The following USP34 variants were observed in gnomAD, a reference collection of about 807,000 sequenced individuals.
The protein encoded by USP34 is ubiquitin carboxyl-terminal hydrolase 34.
In USP34, 70 loss-of-function variants were observed where a neutral mutation model predicts 460.3. The observed-to-expected ratio is 0.15, with a 90% CI of 0.13 to 0.19. USP34 has a LOEUF of 0.19. Among genes scored for constraint, USP34 ranks in the 10% least tolerant of loss-of-function variants. The pLI is 1.00. For synonymous variants in USP34, 1,647 were observed against 1,405.3 expected, an observed-to-expected ratio of 1.17 and a Z score of -3.85; for missense variants, 3,985 against 4,236.2, an observed-to-expected ratio of 0.94 and a Z score of 1.65.
chr2:61,414,087 G>C (rs1379545114), intron 2 of USP34, among the ~76,000 whole-genome samples: 1 of 152,132 alleles, frequency 6.6e-6, no homozygotes, highest in Admixed American at 6.5e-5. Flanking sequence ...GGGAAACCCT[G>C]TCTCTACTAA....
intron 47 of USP34, 83 bp downstream of exon 47, chr2:61,256,790 A>C: frequency 9.4e-7 from 1 of 1,063,468 alleles, no homozygotes; most frequent in Middle Eastern, 3.3e-4. Flanking sequence ...AAAGTTTAAA[A>C]ATATCAAGAT....
At chr2:61,288,453 C>A (rs1689754195) in intron 34 of USP34, among the ~76,000 whole-genome samples, 1 of 152,172 alleles carries the variant, frequency 6.6e-6, no homozygotes, top group African/African-American at 2.4e-5. Flanking sequence ...ATAATAAATT[C>A]AGTCTCACAG....
chr2:61,320,449 G>A (rs998291223), intron 21 of USP34, among the ~76,000 whole-genome samples: 8 of 152,200 alleles, frequency 5.3e-5, no homozygotes, highest in African/African-American at 1.7e-4. Flanking sequence ...ATGCAGACAT[G>A]GGGAGAATGT....
intron 78 of USP34, 43 bp from the exon 79 acceptor site, chr2:61,189,112 C>T: frequency 6.3e-7 from 1 of 1,584,888 alleles, no homozygotes; most frequent in Non-Finnish European, 8.6e-7. Context: ...CTAAAGCCAA[C>T]ACTTTGATGC....
rs1338495071 is a variant in USP34, at chr2:61,439,837, C to A, written c.44-19004G>T. Among the ~76,000 whole-genome samples the A allele has an allele frequency of 2.0e-5, 3 of 152,140 alleles. No homozygotes were observed. The East Asian group carries it at 5.8e-4, about 29-fold the overall frequency. On this transcript the variant is annotated intron_variant, in intron 1 of 79. Coordinates refer to ENST00000398571, the MANE Select transcript of USP34 (RefSeq NM_014709.4). ...TGGGTCACACACAGCTGGGTGGAGA[C>A]CTCATGATGTGTGGCCCAGAGAGGT...
chr2:61,403,237 T>A (rs1330771935), intron 3 of USP34, among the ~76,000 whole-genome samples: 1 of 152,036 alleles, frequency 6.6e-6, no homozygotes, highest in African/African-American at 2.4e-5. Context: ...AGTACAGGAG[T>A]GTAACTATGC....
At chr2:61,467,986 G>A (rs1013197702) in intron 1 of USP34, among the ~76,000 whole-genome samples, 5 of 152,076 alleles carry the variant, frequency 3.3e-5, no homozygotes, top group African/African-American at 1.2e-4. Flanking sequence ...AGGTACAGGC[G>A]GGAAAAGGGC....
At chr2:61,368,962 T>C (rs1692521861) in intron 10 of USP34, among the ~76,000 whole-genome samples, 1 of 151,818 alleles carries the variant, frequency 6.6e-6, no homozygotes, top group Non-Finnish European at 1.5e-5. Context: ...CAGTGACACA[T>C]AAAGAACTCC....
rs1447527328 is a variant in USP34 at position 61,260,950 on chromosome 2, A to G, written c.5779-1174T>C. Among the ~76,000 whole-genome samples, 4 of 152,250 alleles carry G rather than the reference A, an allele frequency of 2.6e-5. No homozygotes were observed. The South Asian group carries it at 6.2e-4, about 24-fold the overall frequency. On this transcript the variant is annotated intron_variant, in intron 43 of 79. Transcript: ENST00000398571. ...TTAAATAAATACATAGCCTGCATCT[A>G]TATGTATTTACTACTTAAAAAATTG...
At position 61,214,373 on chromosome 2, in the gene USP34, G is replaced by A; in HGVS notation, c.8369C>T (p.Pro2790Leu). ...WNLFQPKLSEPAIATNHNKQA... is the reference protein window; with the variant it reads ...WNLFQPKLSELAIATNHNKQA... ...TTTATTGTGATTTGTAGCTATTGCT[G>A]GCTCAGAAAGTTTAGGCTGGAAAAG... The change falls in exon 68 of 80, where the codon CCA becomes CTA. Residue 2790 changes from proline to leucine, a missense_variant. Around this residue, in one of 14 missense-constraint regions of USP34, gnomAD observed 66 missense variants for 121.2 expected, o/e 0.54. Transcript: ENST00000398571. 1 of 1,614,154 alleles carries A rather than the reference G, an allele frequency of 6.2e-7. No homozygotes were observed. The highest frequency in any genetic ancestry group is 8.5e-7 in the Non-Finnish European group (1 of 1,180,030).
chr2:61,452,417 G>T (rs2442029), intron 1 of USP34, among the ~76,000 whole-genome samples: 97,538 of 147,188 alleles, frequency 0.66, 32,488 homozygotes, highest in African/African-American at 0.75. Flanking sequence ...CTCGACCTCC[G>T]GGGTTCAAGA....
intron 1 of USP34, among the ~76,000 whole-genome samples, chr2:61,454,435 T>C (rs1056934728): frequency 6.6e-6 from 1 of 151,878 alleles, no homozygotes; most frequent in African/African-American, 2.4e-5. Context: ...GTTTTTTGTT[T>C]GTTGTTTTGT....
intron 2 of USP34, among the ~76,000 whole-genome samples, chr2:61,406,529 T>C (rs1268731208): frequency 6.6e-6 from 1 of 152,128 alleles, no homozygotes; most frequent in Non-Finnish European, 1.5e-5. Flanking sequence ...GGAATTTTGT[T>C]GTCAACTAAT....
At chr2:61,252,342 G>C (rs1193099986) in intron 48 of USP34, among the ~76,000 whole-genome samples, 1 of 152,104 alleles carries the variant, frequency 6.6e-6, no homozygotes, top group East Asian at 1.9e-4. Flanking sequence ...ACACTGCCTG[G>C]CAAACAGCAT....
chr2:61,245,901 C>T (rs558080495), intron 50 of USP34, among the ~76,000 whole-genome samples: 1 of 152,260 alleles, frequency 6.6e-6, no homozygotes, highest in South Asian at 2.1e-4. Flanking sequence ...TAATGACTTC[C>T]AACCATTAAC....
At chr2:61,262,116 A>AAAAAAT (rs1553359480) in intron 43 of USP34, among the ~76,000 whole-genome samples, 1 of 47,406 alleles carries the variant, frequency 2.1e-5, no homozygotes, top group Non-Finnish European at 4.0e-5. Context: ...AAAAAAAAAA[A>AAAAAAT]ATATATATAT....
At chr2:61,259,392 T>G (rs934470468) in intron 44 of USP34, among the ~76,000 whole-genome samples, 2 of 152,042 alleles carry the variant, frequency 1.3e-5, no homozygotes, top group Non-Finnish European at 2.9e-5. Context: ...TCCCTCCATG[T>G]TTCTTTTTTT....
intron 41 of USP34, among the ~76,000 whole-genome samples, chr2:61,276,799 T>C (rs1353890018): frequency 6.6e-6 from 1 of 152,190 alleles, no homozygotes; most frequent in African/African-American, 2.4e-5. Flanking sequence ...GTTTTGTGCA[T>C]TAGGGGAAGT....
chr2:61,313,069 C>G (rs1006781660), intron 25 of USP34, among the ~76,000 whole-genome samples: 1 of 151,750 alleles, frequency 6.6e-6, no homozygotes, highest in African/African-American at 2.4e-5. Flanking sequence ...TGAAAAATAC[C>G]TAAGTAAATT....
Sources: allele counts gnomAD v4.1 joint callset (sites outside exome capture counted in the v4.1 genomes callset), GRCh38; gene constraint gnomAD v4.1.1; regional missense constraint gnomAD v4.1.1; transcripts MANE v1.5; gene names NCBI Gene and HGNC (gene_info 2026-07-23, HGNC 2026-07-21).